Variants in ZHX3 observed in about 807,000 individuals in gnomAD.
ZHX3 encodes zinc fingers and homeoboxes protein 3.
Under a neutral mutation model 64.5 loss-of-function variants are expected in ZHX3, and 20 were observed. That is an observed-to-expected ratio of 0.31 (90% CI 0.22 to 0.45). The LOEUF (loss-of-function observed/expected upper bound fraction) is 0.45, where lower values mean the gene tolerates loss of function less well. ZHX3 is among the 20% of genes least tolerant of loss of function. The pLI is 1.00. For synonymous variants in ZHX3, 423 were observed against 461.6 expected, an observed-to-expected ratio of 0.92 and a Z score of 1.07; for missense variants, 1,041 against 1,195.8, an observed-to-expected ratio of 0.87 and a Z score of 1.91.
intron 2 of ZHX3, among the ~76,000 whole-genome samples, chr20:41,264,553 C>T (rs1042068744): frequency 7.8e-6 from 1 of 128,206 alleles, no homozygotes; most frequent in Admixed American, 7.6e-5. Context: ...GAGTGAAACT[C>T]CATCTCAAAA....
chr20:41,190,377 G>A (rs1163158816), intron 3 of ZHX3, among the ~76,000 whole-genome samples: 1 of 152,080 alleles, frequency 6.6e-6, no homozygotes, highest in Non-Finnish European at 1.5e-5. Flanking sequence ...CACCATGTTG[G>A]CCAGGCTGGT....
At chr20:41,216,173 C>T (rs942930382) in intron 2 of ZHX3, among the ~76,000 whole-genome samples, 5 of 152,128 alleles carry the variant, frequency 3.3e-5, no homozygotes, top group South Asian at 4.1e-4. Context: ...AAAAGTTACT[C>T]GTGATGTATA....
chr20:41,264,067 T>A (rs370357024), intron 2 of ZHX3, among the ~76,000 whole-genome samples: 2 of 152,092 alleles, frequency 1.3e-5, no homozygotes, highest in Non-Finnish European at 2.9e-5. Flanking sequence ...TGTAAAATTC[T>A]AACACTGGCA....
At chr20:41,229,459 T>C (rs1302017684) in intron 2 of ZHX3, among the ~76,000 whole-genome samples, 1 of 152,182 alleles carries the variant, frequency 6.6e-6, no homozygotes, top group Non-Finnish European at 1.5e-5. Context: ...CTATTTTTAA[T>C]TTCTTGAGGA....
intron 2 of ZHX3, among the ~76,000 whole-genome samples, chr20:41,211,958 T>C (rs2039189320): frequency 6.6e-6 from 1 of 152,164 alleles, no homozygotes; most frequent in African/African-American, 2.4e-5. Flanking sequence ...ATGGACCCAG[T>C]GAGCAAATCA....
intron 2 of ZHX3, among the ~76,000 whole-genome samples, chr20:41,253,125 A>T (rs972823388): frequency 6.6e-6 from 1 of 152,202 alleles, no homozygotes; most frequent in Admixed American, 6.5e-5. Context: ...TCATGGTCAA[A>T]GTACCAACAA....
intron 2 of ZHX3, among the ~76,000 whole-genome samples, chr20:41,253,830 G>A (rs1371290231): frequency 6.6e-6 from 1 of 152,192 alleles, no homozygotes; most frequent in Non-Finnish European, 1.5e-5. Flanking sequence ...TGACTAGATA[G>A]AGGGAAAGCA....
At position 41,201,375 on chromosome 20, in the gene ZHX3, G is replaced by A. The variant is rs1200698563; in HGVS notation, c.2860+682C>T. On this transcript the variant is annotated intron_variant, in intron 3 of 3. Coordinates refer to ENST00000683867, the MANE Select transcript of ZHX3 (RefSeq NM_001384317.1). The surrounding 1 kb of genome is among the most constrained non-coding windows in gnomAD (Gnocchi z 5.0). ...GGAAGGGAGAGGCTGGGAACTCAGT[G>A]ACCAGGAACCTAGAAAATCAACACG... The A allele has an allele frequency of 7.7e-7, 1 of 1,304,676 alleles. No homozygotes were observed. The highest frequency in any genetic ancestry group is 1.2e-5 in the South Asian group (1 of 81,034). The allele number at this position is 1,304,676 out of a possible 1,614,324, so 80.8% of individuals were successfully genotyped here.
Position 41,204,724 on chromosome 20 carries a change from C to T in ZHX3, c.193G>A (p.Ala65Thr). The T allele has an allele frequency of 1.2e-6, 2 of 1,614,226 alleles. No individual in the cohort carries two copies. Among genetic ancestry groups the T allele is most frequent in the Non-Finnish European group, 1.7e-6 (2 of 1,180,030 alleles). ...TCTAAAGTGCTCCGATGCCCATTGG[C>T]CAGTGTAGAGCCATCAGTACTGCTG... is the stretch of plus-strand genomic sequence containing the variant. ...NPSSTDGSTL[A>T]NGHRSTLDGY... Residue 65 changes from alanine (A) to threonine (T), a missense_variant, in exon 3 of 4, where the codon GCC becomes ACC. This residue lies in a region of ZHX3 where 358 missense variants were observed against 369.1 expected (regional missense o/e 0.97). Transcript: ENST00000683867. The surrounding 1 kb of genome is among the most constrained non-coding windows in gnomAD (Gnocchi z 6.6).
At position 41,203,933 on chromosome 20, in the gene ZHX3, G is replaced by A; in HGVS notation, c.984C>T (p.Tyr328=). The A allele has an allele frequency of 6.2e-7, 1 of 1,614,242 alleles. No homozygotes were observed. Among genetic ancestry groups the A allele is most frequent in the East Asian group, 2.2e-5 (1 of 44,884 alleles). The change falls in exon 3 of 4, where the codon TAC becomes TAT. Residue 328 remains tyrosine (Y), a synonymous_variant. Transcript: ENST00000683867. This position sits in a 1 kb window ranked among gnomAD's most constrained non-coding sequence, Gnocchi z 7.1. ...AATAGCAGAGCTCGGCTTTGGTGGG[G>A]TAGGGGAACTTGTGGAAGGAGTTCT... ...FLKNSFHKFP[Y]PTKAELCYLT... is the part of the protein sequence containing the mutation.
At position 41,291,439 on chromosome 20, in the gene ZHX3, A is replaced by G. The variant is rs187414766; in HGVS notation, c.-244-22356T>C. Among the ~76,000 whole-genome samples the G allele has an allele frequency of 4.7e-4, 72 of 152,326 alleles. 2 individuals carry two copies. In the East Asian group the frequency reaches 7.9e-3, roughly 17 times the overall value. The stretch of plus-strand genomic sequence containing the variant: ...AGGATTGGAAAGGGTGGCTGCATCA[A>G]CTTTTTAAATCTCTTCTAACGAAGA... On this transcript the variant is annotated intron_variant, in intron 1 of 3. Transcript: ENST00000683867.
At chr20:41,285,738 A>G (rs973095151) in intron 1 of ZHX3, among the ~76,000 whole-genome samples, 1 of 152,230 alleles carries the variant, frequency 6.6e-6, no homozygotes, top group Non-Finnish European at 1.5e-5. Flanking sequence ...CGTGCTGTTC[A>G]CTAGCTGGTG....
chr20:41,223,244 A>AAT, intron 2 of ZHX3, among the ~76,000 whole-genome samples: 1 of 152,316 alleles, frequency 6.6e-6, no homozygotes. Flanking sequence ...GACTTCTATT[A>AAT]AGAAGTATTT....
rs1207179724 is a variant in ZHX3 at position 41,183,555 on chromosome 20, TG to T, written c.*1635del. Reference sequence around the variant, plus strand: ...CGGTGCCCTGCCAGGTCCAGTTCCCTGGGTAGGGGAGAAGGACGGTCCCTAA... The same window carrying T: ...CGGTGCCCTGCCAGGTCCAGTTCCCTGGTAGGGGAGAAGGACGGTCCCTAA... On this transcript the variant is annotated 3_prime_UTR_variant, in exon 4 of 4. Coordinates refer to ENST00000683867, the MANE Select transcript of ZHX3 (RefSeq NM_001384317.1). The surrounding 1 kb of genome is among the most constrained non-coding windows in gnomAD (Gnocchi z 5.3). The T allele has an allele frequency of 6.6e-6, 1 of 152,278 alleles. No individual in the cohort carries two copies. Among genetic ancestry groups the T allele is most frequent in the South Asian group, 2.1e-4 (1 of 4,834 alleles). 9.4% of individuals were successfully genotyped at this position (152,278 alleles called of 1,614,324 possible).
In ZHX3 at chr20:41,316,336, C is replaced by T. The variant is rs186091275; in HGVS notation, c.-245+1173G>A. On this transcript the variant is annotated intron_variant, in intron 1 of 3. Transcript: ENST00000683867. ...ATGTCTCTTAGAAACAAATTAAGCT[C>T]GAATAAGTTGTTCCAGCTAATGAAG... 2.8e-4 allele frequency among the ~76,000 whole-genome samples: 43 copies of T among 152,192 alleles called. No individual in the cohort carries two copies. The East Asian group carries it at 7.7e-3, about 27-fold the overall frequency.
In ZHX3 at chr20:41,203,017, T is replaced by G; in HGVS notation, c.1900A>C (p.Asn634His). 1 of 1,614,098 alleles carries G rather than the reference T, an allele frequency of 6.2e-7. No individual in the cohort carries two copies. Among genetic ancestry groups the G allele is most frequent in the Non-Finnish European group, 8.5e-7 (1 of 1,180,012 alleles). ...LRALESSFAQNPLPLDEELDR... is the reference protein window; with the variant it reads ...LRALESSFAQHPLPLDEELDR... ...AGTTCCTCATCAAGAGGAAGAGGGT[T>G]TTGTGCAAAACTGCTCTCCAGGGCT... The change falls in exon 3 of 4, where the codon AAC becomes CAC. Residue 634 changes from asparagine to histidine, a missense_variant. Asn to His is a moderately conservative substitution (Grantham distance 68). Transcript: ENST00000683867. The surrounding 1 kb of genome is among the most constrained non-coding windows in gnomAD (Gnocchi z 7.1).
intron 2 of ZHX3, among the ~76,000 whole-genome samples, chr20:41,249,399 T>C (rs1227015477): frequency 6.6e-6 from 1 of 152,190 alleles, no homozygotes. Flanking sequence ...GTTTTAATCA[T>C]GCTAAAAGTA....
rs528224513 is a variant in ZHX3, at chr20:41,184,495, A to G, written c.*696T>C. 6.8e-4 allele frequency: 122 copies of G among 178,390 alleles called. 2 individuals are homozygous for G. The highest frequency in any genetic ancestry group is 2.7e-3 in the African/African-American group (116 of 42,210). 11.1% of individuals were successfully genotyped at this position (178,390 alleles called of 1,614,324 possible). A position where few individuals can be genotyped will look rare whatever the true frequency, so the allele number is the denominator to read the frequency against. ...AGAGAATGGTAAAGCATCCAACGCT[A>G]ATCACATTGCCAGTCCATTTTTTGA... is the stretch of plus-strand genomic sequence containing the variant. On this transcript the variant is annotated 3_prime_UTR_variant, in exon 4 of 4. Transcript: ENST00000683867.
chr20:41,230,688 T>A (rs1477112940), intron 2 of ZHX3, among the ~76,000 whole-genome samples: 3 of 152,218 alleles, frequency 2.0e-5, no homozygotes, highest in African/African-American at 7.2e-5. Flanking sequence ...ATTATTAAAA[T>A]TAATTTGACT....
Sources: allele counts gnomAD v4.1 joint callset (sites outside exome capture counted in the v4.1 genomes callset), GRCh38; gene constraint gnomAD v4.1.1; regional missense constraint gnomAD v4.1.1; non-coding constraint Gnocchi (gnomAD v3.1); transcripts MANE v1.5; gene names NCBI Gene and HGNC (gene_info 2026-07-23, HGNC 2026-07-21).